Variants in KIF18A observed in about 807,000 individuals in gnomAD.
The protein encoded by KIF18A is kinesin family member 18A.
KIF18A carries 67 observed loss-of-function variants against 103.3 expected under a neutral mutation model. That is an observed-to-expected ratio of 0.65 (90% CI 0.53 to 0.79). The LOEUF is 0.79. Ranked by LOEUF, KIF18A falls within the 30% of genes least tolerant of loss-of-function variation. The pLI is 0.00. For synonymous variants in KIF18A, 367 were observed against 355.5 expected (o/e 1.03, Z -0.36); for missense variants, 1,032 against 1,062.5 (o/e 0.97, Z 0.40).
At chr11:28,030,656 G>A (rs1850386583) in intron 15 of KIF18A, among the ~76,000 whole-genome samples, 1 of 151,716 alleles carries the variant, frequency 6.6e-6, no homozygotes, top group Admixed American at 6.6e-5. Context: ...AAAAGCAATG[G>A]CAACAAAAGC....
rs780721054 is a variant in KIF18A, at chr11:28,090,737, T to A, written c.589-10A>T. 5.6e-6 allele frequency: 8 copies of A among 1,426,516 alleles called. No homozygotes were observed. In the South Asian group the frequency reaches 9.6e-5, roughly 17 times the overall value. 88.4% of individuals were successfully genotyped at this position (1,426,516 alleles called of 1,614,324 possible). On this transcript the variant is annotated splice_polypyrimidine_tract_variant and intron_variant, in intron 4 of 16. Transcript: ENST00000263181. The stretch of plus-strand genomic sequence containing the variant: ...CTTCTGAGGATTTGGGCTGGAGAAG[T>A]TTAAGTAGAAGCAAAATTTAAAAAT...
Position 28,084,617 on chromosome 11 carries a change from A to G in KIF18A, c.1074+15T>C. 6.3e-7 allele frequency: 1 copy of G among 1,578,228 alleles called. No individual in the cohort carries two copies. Among genetic ancestry groups the G allele is most frequent in the Non-Finnish European group, 8.7e-7 (1 of 1,152,224 alleles). ...GACAATACCTTCACAACAAAGGCAG[A>G]GTAAACAGACTTACAGAAGATTTAA... On this transcript the variant is annotated intron_variant, in intron 7 of 16. Transcript: ENST00000263181.
intron 10 of KIF18A, among the ~76,000 whole-genome samples, chr11:28,075,934 C>G (rs978866508): frequency 3.3e-5 from 5 of 152,038 alleles, no homozygotes; most frequent in African/African-American, 1.2e-4. Context: ...TGGTAGTGTT[C>G]AAATGACTTT....
intron 13 of KIF18A, among the ~76,000 whole-genome samples, chr11:28,051,348 A>G (rs1356622718): frequency 1.3e-5 from 2 of 151,956 alleles, no homozygotes; most frequent in Non-Finnish European, 2.9e-5. Context: ...AACAGGTGAA[A>G]CAATAGAGTA....
chr11:28,021,427 A>G (rs1297926489), intron 16 of KIF18A, 145 bp from the exon 17 acceptor site: 4 of 750,162 alleles, frequency 5.3e-6, no homozygotes, highest in Non-Finnish European at 7.4e-6. Context: ...TTTAAAATAT[A>G]ACAACAACAA....
rs774687614 is a variant in KIF18A at position 28,059,088 on chromosome 11, C to G, written c.1786G>C (p.Ala596Pro). 4.6e-5 allele frequency: 74 copies of G among 1,614,000 alleles called. 1 individual carries two copies. The Middle Eastern group carries it at 6.6e-4, about 14-fold the overall frequency. The change falls in exon 13 of 17, where the codon GCT becomes CCT. Residue 596 changes from alanine (A) to proline (P), a missense_variant. By Grantham distance (27) the Ala-to-Pro change is conservative (BLOSUM62 -1). Transcript: ENST00000263181. ...ATCTCTTTGAAGTCAGATTCAAAAG[C>G]AGCATTTGACAGGCCGGCTTCTTTT... Reference protein sequence around the residue: ...TLKEAGLSNAAFESDFKEIEH... With the variant: ...TLKEAGLSNAPFESDFKEIEH...
intron 9 of KIF18A, among the ~76,000 whole-genome samples, chr11:28,077,462 A>T (rs1367043444): frequency 1.3e-5 from 2 of 152,204 alleles, no homozygotes; most frequent in Non-Finnish European, 2.9e-5. Flanking sequence ...CATTTTGTCT[A>T]TGCTTACATC....
At chr11:28,022,658 AAACT>A (rs1850262359) in intron 16 of KIF18A, among the ~76,000 whole-genome samples, 1 of 152,192 alleles carries the variant, frequency 6.6e-6, no homozygotes, top group Non-Finnish European at 1.5e-5. Flanking sequence ...GTACACACCT[AAACT>A]AACTACAGAT....
chr11:28,029,031 T>C (rs1011443639), intron 15 of KIF18A, among the ~76,000 whole-genome samples: 2 of 152,150 alleles, frequency 1.3e-5, no homozygotes, highest in African/African-American at 4.8e-5. Context: ...ATTGAGGCAA[T>C]AATTAATAGC....
chr11:28,045,097 G>A (rs772651907), intron 13 of KIF18A, among the ~76,000 whole-genome samples: 1 of 151,984 alleles, frequency 6.6e-6, no homozygotes, highest in Non-Finnish European at 1.5e-5. Context: ...ATTGATGAAT[G>A]GTAGTGTAAT....
chr11:28,051,059 ACT>A (rs1029786143), intron 13 of KIF18A, among the ~76,000 whole-genome samples: 19 of 151,792 alleles, frequency 1.3e-4, no homozygotes, highest in African/African-American at 4.3e-4. Context: ...TACGAAGAAA[ACT>A]CTGAAACTTT....
intron 1 of KIF18A, among the ~76,000 whole-genome samples, chr11:28,106,510 G>T (rs376446601): frequency 1.4e-4 from 20 of 139,526 alleles, no homozygotes; most frequent in African/African-American, 5.2e-4. Flanking sequence ...GGCACTGACA[G>T]CTGAGCTATT....
At chr11:28,046,488 T>C (rs1356991938) in intron 13 of KIF18A, among the ~76,000 whole-genome samples, 4 of 137,140 alleles carry the variant, frequency 2.9e-5, no homozygotes, top group Admixed American at 1.5e-4. Context: ...TAGGTGGGAA[T>C]TGAACAATGA....
At chr11:28,048,829 T>C (rs1850673383) in intron 13 of KIF18A, among the ~76,000 whole-genome samples, 2 of 151,894 alleles carry the variant, frequency 1.3e-5, no homozygotes, top group South Asian at 2.1e-4. Flanking sequence ...TGGAGAAAGA[T>C]TTAGGCCAAG....
At chr11:28,070,966 G>A (rs891012915) in intron 10 of KIF18A, among the ~76,000 whole-genome samples, 1 of 152,222 alleles carries the variant, frequency 6.6e-6, no homozygotes, top group Non-Finnish European at 1.5e-5. Context: ...TGATGTGGGA[G>A]CATCACTTGA....
At chr11:28,067,591 T>C (rs1340193801) in intron 11 of KIF18A, among the ~76,000 whole-genome samples, 2 of 152,154 alleles carry the variant, frequency 1.3e-5, no homozygotes, top group African/African-American at 4.8e-5. Context: ...CTTTTGAACA[T>C]TTAAAGATCT....
Position 28,036,581 on chromosome 11 carries a change from C to G in KIF18A, c.2032G>C (p.Gly678Arg). The G allele has an allele frequency of 6.2e-7, 1 of 1,610,644 alleles. No individual in the cohort carries two copies. ...GGTGGAGACTTTAGAGTATGCTGTC[C>G]TTTCAAGGGAGATGGCATTAGTTTT... is the stretch of plus-strand genomic sequence containing the variant. ...RRKLMPSPLK[G>R]QHTLKSPPSQ... is the part of the protein sequence containing the mutation. The change falls in exon 14 of 17, where the codon GGA becomes CGA. Residue 678 changes from glycine to arginine, a missense_variant. Transcript: ENST00000263181.
intron 11 of KIF18A, 89 bp downstream of exon 11, chr11:28,069,170 A>C (rs1850976516): frequency 1.0e-6 from 1 of 985,060 alleles, no homozygotes; most frequent in Admixed American, 2.1e-5. Flanking sequence ...TAGTTGTCTT[A>C]TGAAAGACAT....
intron 12 of KIF18A, among the ~76,000 whole-genome samples, chr11:28,061,340 C>CT (rs1296563428): frequency 6.6e-6 from 1 of 152,046 alleles, no homozygotes; most frequent in Non-Finnish European, 1.5e-5. Context: ...AAAACTCATC[C>CT]TCTTTCTTCT....
Sources: gnomAD v4.1 joint callset for allele counts (sites outside exome capture counted in the v4.1 genomes callset) on GRCh38, gnomAD v4.1.1 for gene constraint, MANE v1.5 for transcripts, NCBI Gene and HGNC (gene_info 2026-07-23, HGNC 2026-07-21) for gene names.